The following B4GALT2 variants were observed in gnomAD, a reference collection of about 807,000 sequenced individuals.
B4GALT2 encodes the protein N-acetyllactosamine synthase.
In B4GALT2, 18 loss-of-function variants were observed where a neutral mutation model predicts 33.2. The observed-to-expected ratio is 0.54, with a 90% CI of 0.38 to 0.80. The LOEUF is 0.80. Among genes scored for constraint, B4GALT2 ranks in the 30% least tolerant of loss-of-function variants. B4GALT2 has a pLI of 0.00. For missense variants in B4GALT2, 404 were observed against 526.2 expected, an observed-to-expected ratio of 0.77 and a Z score of 2.27; for synonymous variants, 214 against 217.6, an observed-to-expected ratio of 0.98 and a Z score of 0.15.
At chr1:43,985,197 C>A in intron 4 of B4GALT2, 81 bp from the exon 5 acceptor site, 3 of 1,564,720 alleles carry the variant, frequency 1.9e-6, no homozygotes, top group Non-Finnish European at 1.7e-6. Flanking sequence ...CCCCATTGGA[C>A]ATTCCCCCCG....
At chr1:43,985,799 C>G (rs2085652731) in intron 6 of B4GALT2, 178 bp downstream of exon 6, 3 of 632,974 alleles carry the variant, frequency 4.7e-6, no homozygotes, top group African/African-American at 1.8e-5. Context: ...CCCCTCAGGA[C>G]TGCTGGCACC....
intron 5 of B4GALT2, 56 bp downstream of exon 5, chr1:43,985,456 A>G (rs538125005): frequency 3.4e-5 from 43 of 1,250,486 alleles, no homozygotes; most frequent in African/African-American, 7.6e-5. Flanking sequence ...GGGGGTGCAG[A>G]CTGGGTGGGG....
rs1341564423 is a variant in B4GALT2, at chr1:43,984,351, G to C, written c.550-514G>C. Among the ~76,000 whole-genome samples, 1 of 152,238 alleles carries C rather than the reference G, an allele frequency of 6.6e-6. No individual in the cohort carries two copies. Among genetic ancestry groups the C allele is most frequent in the Non-Finnish European group, 1.5e-5 (1 of 68,038 alleles). ...CATGACTCTATACACAGCAGGGAGG[G>C]GACCAGGGCTGGCCATCTCCAGAAT... On this transcript the variant is annotated intron_variant, in intron 3 of 6. Coordinates refer to ENST00000372324, the MANE Select transcript of B4GALT2 (RefSeq NM_003780.5). This position sits in a 1 kb window ranked among gnomAD's most constrained non-coding sequence, Gnocchi z 5.6.
chr1:43,981,492 G>T lies in B4GALT2; in HGVS notation c.313+19G>T. ...GGTCTTGGTGAGCCTGGAGGGTAGG[G>T]CCTGCCTGTGGGGAAACAGGGTTTT... On this transcript the variant is annotated intron_variant, in intron 2 of 6. Transcript: ENST00000372324. This position sits in a 1 kb window ranked among gnomAD's most constrained non-coding sequence, Gnocchi z 8.1. 6.5e-7 allele frequency: 1 copy of T among 1,547,236 alleles called. No individual in the cohort carries two copies. The highest frequency in any genetic ancestry group is 8.7e-7 in the Non-Finnish European group (1 of 1,151,960).
At position 43,981,577 on chromosome 1, in the gene B4GALT2, T is replaced by C. The variant is rs1022864934; in HGVS notation, c.313+104T>C. On this transcript the variant is annotated intron_variant, in intron 2 of 6. Transcript: ENST00000372324. This position sits in a 1 kb window ranked among gnomAD's most constrained non-coding sequence, Gnocchi z 8.1. Reference sequence around the variant, plus strand: ...GGGGTGTGCCAGGGGTCCAGGTCTGTTGTAAGAGGGCTATTCTTGGGGTTC... The same window carrying C: ...GGGGTGTGCCAGGGGTCCAGGTCTGCTGTAAGAGGGCTATTCTTGGGGTTC... 3.3e-6 allele frequency: 5 copies of C among 1,528,310 alleles called. No individual in the cohort carries two copies. Among genetic ancestry groups the C allele is most frequent in the African/African-American group, 2.8e-5 (2 of 72,356 alleles). 94.7% of individuals were successfully genotyped at this position (1,528,310 alleles called of 1,614,324 possible).
chr1:43,980,567 C>T, intron 1 of B4GALT2: 2 of 995,056 alleles, frequency 2.0e-6, no homozygotes, highest in Non-Finnish European at 2.4e-6. Context: ...CCCACCATGG[C>T]TCCTGGAAGG....
rs751228190 is a variant in B4GALT2 at position 43,990,426 on chromosome 1, C to T, written c.1097C>T (p.Pro366Leu). 8 of 1,614,140 alleles carry T rather than the reference C, an allele frequency of 5.0e-6. No homozygotes were observed. Among genetic ancestry groups the T allele is most frequent in the South Asian group, 1.1e-5 (1 of 91,072 alleles). ...TNITVDIGRPPSWPPRG is the reference protein window; with the variant it reads ...TNITVDIGRPLSWPPRG ...ATCACAGTGGACATTGGGCGGCCTC[C>T]GTCGTGGCCCCCTCGGGGCTGACAC... Residue 366 changes from proline to leucine, a missense_variant, in exon 7 of 7, where the codon CCG (proline) becomes CTG (leucine). Coordinates refer to ENST00000372324, the MANE Select transcript of B4GALT2 (RefSeq NM_003780.5).
chr1:43,989,587 A>G (rs1430349467), intron 6 of B4GALT2, among the ~76,000 whole-genome samples: 2 of 152,222 alleles, frequency 1.3e-5, no homozygotes, highest in African/African-American at 2.4e-5. Flanking sequence ...TGCATGTTAT[A>G]TACCATCCAT....
rs752842123 is a variant in B4GALT2, at chr1:43,985,558, G to A, written c.905G>A (p.Arg302Gln). ...ATGAAGATCTCACGCCCAGACATCC[G>A]AATCGGCCGCTACCGCATGATCAAG... is the stretch of plus-strand genomic sequence containing the variant. ...TGMKISRPDI[R>Q]IGRYRMIKHD... The change falls in exon 6 of 7, where the codon CGA (arginine) becomes CAA (glutamine). Residue 302 changes from arginine (R) to glutamine (Q), a missense_variant. Transcript: ENST00000372324. The A allele has an allele frequency of 2.5e-5, 41 of 1,613,250 alleles. No homozygotes were observed. Among genetic ancestry groups the A allele is most frequent in the Non-Finnish European group, 3.1e-5 (36 of 1,179,924 alleles).
Position 43,981,064 on chromosome 1 carries a change from TCCTGC to T in B4GALT2, c.-52-40_-52-36del, listed in dbSNP as rs1323540030. The T allele has an allele frequency of 8.7e-6, 13 of 1,498,616 alleles. No individual in the cohort carries two copies. The highest frequency in any genetic ancestry group is 1.2e-5 in the Non-Finnish European group (13 of 1,124,884). The allele number at this position is 1,498,616 out of a possible 1,614,324, so 92.8% of individuals were successfully genotyped here. A position where few individuals can be genotyped will look rare whatever the true frequency, so the allele number is the denominator to read the frequency against. On this transcript the variant is annotated intron_variant, in intron 1 of 6. Transcript: ENST00000372324. This position sits in a 1 kb window ranked among gnomAD's most constrained non-coding sequence, Gnocchi z 8.1. ...GGAGGTAGGTGGGCAGCCTTGCCTG[TCCTGC>T]CCTGACCTGCTGGATCTGTTTCCCT...
Position 43,979,661 on chromosome 1 carries a change from C to T in B4GALT2, c.-53+150C>T, listed in dbSNP as rs1012878213. ...CCAGACCCCGGCCTGGCTGCCCCCA[C>T]CCCGCCCCCACTCCGGCGCCCCTCC... On this transcript the variant is annotated intron_variant, in intron 1 of 6. Coordinates refer to ENST00000372324, the MANE Select transcript of B4GALT2 (RefSeq NM_003780.5). This position sits in a 1 kb window ranked among gnomAD's most constrained non-coding sequence, Gnocchi z 4.8. 1.1e-3 allele frequency: 227 copies of T among 208,654 alleles called. No homozygotes were observed. Among genetic ancestry groups the T allele is most frequent in the South Asian group, 5.7e-3 (53 of 9,364 alleles). 12.9% of individuals were successfully genotyped at this position (208,654 alleles called of 1,614,324 possible).
At chr1:43,980,402 C>A in intron 1 of B4GALT2, 1 of 370,202 alleles carries the variant, frequency 2.7e-6, no homozygotes, top group Non-Finnish European at 3.9e-6. Context: ...GTGTCCCCTG[C>A]CTTGCCCCGT....
Position 43,984,558 on chromosome 1 carries a change from C to G in B4GALT2, c.550-307C>G, listed in dbSNP as rs1326388931. Among the ~76,000 whole-genome samples, 1 of 152,198 alleles carries G rather than the reference C, an allele frequency of 6.6e-6. No individual in the cohort carries two copies. Among genetic ancestry groups the G allele is most frequent in the Non-Finnish European group, 1.5e-5 (1 of 68,026 alleles). On this transcript the variant is annotated intron_variant, in intron 3 of 6. Coordinates refer to ENST00000372324, the MANE Select transcript of B4GALT2 (RefSeq NM_003780.5). This position sits in a 1 kb window ranked among gnomAD's most constrained non-coding sequence, Gnocchi z 5.6. ...CCGCTCCAGCCCTGAGTGTGACAAG[C>G]ACAGGTACTGCTAACCCCAAGGCCT... is the stretch of plus-strand genomic sequence containing the variant.
At chr1:43,983,859 G>T (rs61770309) in intron 3 of B4GALT2, among the ~76,000 whole-genome samples, 16,238 of 152,196 alleles carry the variant, frequency 0.11, 1,177 homozygotes, top group Non-Finnish European at 0.16. Context: ...GAGCTGGCAG[G>T]GCTGGGCAGG....
At position 43,984,754 on chromosome 1, in the gene B4GALT2, C is replaced by A; in HGVS notation, c.550-111C>A. 2 of 1,121,824 alleles carry A rather than the reference C, an allele frequency of 1.8e-6. No individual in the cohort carries two copies. Among genetic ancestry groups the A allele is most frequent in the African/African-American group, 1.6e-5 (1 of 64,156 alleles). 69.5% of individuals were successfully genotyped at this position (1,121,824 alleles called of 1,614,324 possible). On this transcript the variant is annotated intron_variant, in intron 3 of 6. Coordinates refer to ENST00000372324, the MANE Select transcript of B4GALT2 (RefSeq NM_003780.5). This position sits in a 1 kb window ranked among gnomAD's most constrained non-coding sequence, Gnocchi z 5.6. ...ACTAGATCCTGAGAGCCTGGAGGAG[C>A]CATGCAGCGAGGGGGCTGGTAGATC...
At chr1:43,990,264 T>C (rs2085713851) in intron 6 of B4GALT2, 34 bp from the exon 7 acceptor site, 1 of 1,610,034 alleles carries the variant, frequency 6.2e-7, no homozygotes, top group Non-Finnish European at 8.5e-7. Flanking sequence ...TTACAGTTGT[T>C]AGCCCTGATG....
Position 43,990,796 on chromosome 1 carries a change from C to T in B4GALT2, c.*348C>T, listed in dbSNP as rs1420214129. ...ACCTCTCTGTGCCTCAGTTTCCCCC[C>T]CTTGAGTCCCCTAGGGCCTGGAAGG... On this transcript the variant is annotated 3_prime_UTR_variant, in exon 7 of 7. Transcript: ENST00000372324. The T allele has an allele frequency of 1.0e-5, 3 of 299,946 alleles. No individual in the cohort carries two copies. The highest frequency in any genetic ancestry group is 6.4e-6 in the Non-Finnish European group (1 of 155,058). 18.6% of individuals were successfully genotyped at this position (299,946 alleles called of 1,614,324 possible).
Position 43,990,681 on chromosome 1 carries a change from G to A in B4GALT2, c.*233G>A, listed in dbSNP as rs1310546768. ...CTCTTTGGAGTCAACCCTCCTTCCC[G>A]ACCCCCTCCCCCTAGCCCAGCCCCA... On this transcript the variant is annotated 3_prime_UTR_variant, in exon 7 of 7. Coordinates refer to ENST00000372324, the MANE Select transcript of B4GALT2 (RefSeq NM_003780.5). The A allele has an allele frequency of 1.0e-5, 6 of 575,408 alleles. No homozygotes were observed. The highest frequency in any genetic ancestry group is 4.1e-5 in the South Asian group (2 of 49,056). 35.6% of individuals were successfully genotyped at this position (575,408 alleles called of 1,614,324 possible). A position where few individuals can be genotyped will look rare whatever the true frequency, so the allele number is the denominator to read the frequency against.
At chr1:43,988,803 C>T (rs374603608) in intron 6 of B4GALT2, among the ~76,000 whole-genome samples, 19 of 146,678 alleles carry the variant, frequency 1.3e-4, no homozygotes, top group African/African-American at 3.3e-4. Flanking sequence ...GCCGAGACCG[C>T]GCCACTATAT....
Sources: allele counts gnomAD v4.1 joint callset (sites outside exome capture counted in the v4.1 genomes callset), GRCh38; gene constraint gnomAD v4.1.1; non-coding constraint Gnocchi (gnomAD v3.1); transcripts MANE v1.5; gene names NCBI Gene and HGNC (gene_info 2026-07-23, HGNC 2026-07-21).